KLF13: variants seen among roughly 807,000 people sequenced by gnomAD.
KLF13 encodes the protein KLF transcription factor 13.
KLF13 carries 8 observed loss-of-function variants against 16.7 expected under a neutral mutation model. The ratio of observed to expected loss-of-function variants is 0.48; its 90% CI spans 0.28 to 0.87. KLF13 has a LOEUF of 0.87. Ranked by LOEUF, KLF13 falls within the 40% of genes least tolerant of loss-of-function variation. The probability of loss-of-function intolerance (pLI) is 0.10; values close to 1 mark genes in which losing one functional copy is unlikely to be tolerated. For missense variants in KLF13, 447 were observed against 452.2 expected (o/e 0.99, Z 0.10); for synonymous variants, 245 against 208.4 (o/e 1.18, Z -1.51).
intron 1 of KLF13, among the ~76,000 whole-genome samples, chr15:31,410,044 A>G (rs867359949): frequency 1.3e-5 from 2 of 152,188 alleles, no homozygotes; most frequent in Non-Finnish European, 2.9e-5. Context: ...AAACTATAAG[A>G]TCAGTGTATC....
intron 1 of KLF13, among the ~76,000 whole-genome samples, chr15:31,418,153 T>A (rs2040278096): frequency 7.0e-6 from 1 of 142,904 alleles, no homozygotes; most frequent in Admixed American, 6.7e-5. Context: ...AATTTACACT[T>A]AATTACATAA....
rs1394106186 is a variant in KLF13 at position 31,372,170 on chromosome 15, G to A, written c.738G>A (p.Ala246=). The A allele has an allele frequency of 2.6e-5, 42 of 1,612,128 alleles. No individual in the cohort carries two copies. The highest frequency in any genetic ancestry group is 3.4e-5 in the Non-Finnish European group (40 of 1,179,782). ...FMRSDHLTKH[A]RRHANFHPGM... ...GCAGCGACCACCTGACCAAGCACGCGCGCCGCCACGCCAACTTCCACCCGG... is the reference window on the plus strand; with the variant it reads ...GCAGCGACCACCTGACCAAGCACGCACGCCGCCACGCCAACTTCCACCCGG... Residue 246 remains alanine, a synonymous_variant, in exon 2 of 2, where the codon GCG becomes GCA. Transcript: ENST00000307145.
At chr15:31,421,628 A>G (rs1385582779) in intron 1 of KLF13, among the ~76,000 whole-genome samples, 1 of 152,200 alleles carries the variant, frequency 6.6e-6, no homozygotes, top group East Asian at 1.9e-4. Context: ...CAAAGGAAAT[A>G]TCTGTAGAAG....
chr15:31,378,038 G>A (rs1166903241), downstream of KLF13: 4 of 152,084 alleles, frequency 2.6e-5, no homozygotes. Flanking sequence ...TCCTATTTTG[G>A]AAGGAAGGCT....
chr15:31,388,558 C>T (rs1471706663), upstream of KLF13, among the ~76,000 whole-genome samples: 1 of 144,892 alleles, frequency 6.9e-6, no homozygotes, highest in African/African-American at 2.6e-5. Context: ...GTGGAGGTTG[C>T]GGTGAGCCAA....
At chr15:31,405,216 A>G (rs2040107079), downstream of KLF13, among the ~76,000 whole-genome samples, 1 of 152,194 alleles carries the variant, frequency 6.6e-6, no homozygotes, top group Non-Finnish European at 1.5e-5. Flanking sequence ...CTGGAGGCTG[A>G]GGCAGGAGAA....
chr15:31,416,946 G>A (rs930379940), intron 1 of KLF13, among the ~76,000 whole-genome samples: 7 of 152,188 alleles, frequency 4.6e-5, no homozygotes, highest in Non-Finnish European at 8.8e-5. Flanking sequence ...GCCTTTAAGA[G>A]GTGATTAGGT....
At chr15:31,401,571 C>T (rs1026681537) in intron 2 of KLF13, among the ~76,000 whole-genome samples, 4 of 152,214 alleles carry the variant, frequency 2.6e-5, no homozygotes, top group African/African-American at 4.8e-5. Context: ...GGAGCAGGAA[C>T]CAGCATTGAG....
At chr15:31,341,765 C>T (rs1019661472) in intron 1 of KLF13, among the ~76,000 whole-genome samples, 1 of 152,180 alleles carries the variant, frequency 6.6e-6, no homozygotes, top group African/African-American at 2.4e-5. Flanking sequence ...CTGACCTGAG[C>T]CCCCCTTCCC....
At chr15:31,378,649 G>A, downstream of KLF13, among the ~76,000 whole-genome samples, 1 of 152,304 alleles carries the variant, frequency 6.6e-6, no homozygotes, top group East Asian at 1.9e-4. Context: ...GCCTCACCCA[G>A]GGGTAGACCA....
intron 1 of KLF13, among the ~76,000 whole-genome samples, chr15:31,357,562 TG>T (rs985000516): frequency 1.3e-5 from 2 of 152,304 alleles, no homozygotes; most frequent in Admixed American, 6.5e-5. Context: ...TGCTGCACAC[TG>T]GGAGAGAAGC....
At chr15:31,384,675 C>T (rs971815732) in intron 1 of KLF13, among the ~76,000 whole-genome samples, 1 of 152,174 alleles carries the variant, frequency 6.6e-6, no homozygotes, top group Non-Finnish European at 1.5e-5. Context: ...CATTCATGAG[C>T]GTACTTTTGG....
chr15:31,329,719 C>T (rs2038793260), intron 1 of KLF13, among the ~76,000 whole-genome samples: 1 of 152,240 alleles, frequency 6.6e-6, no homozygotes, highest in South Asian at 2.1e-4. Context: ...CGGGACCAAC[C>T]CTTTGAGTGT....
rs1486972582 is a variant in KLF13, at chr15:31,327,722, C to T, written c.510C>T (p.His170=). 5 of 1,538,420 alleles carry T rather than the reference C, an allele frequency of 3.3e-6. No individual in the cohort carries two copies. Among genetic ancestry groups the T allele is most frequent in the Non-Finnish European group, 4.4e-6 (5 of 1,138,730 alleles). Residue 170 remains histidine, a synonymous_variant, in exon 1 of 2, where the codon CAC becomes CAT. Transcript: ENST00000307145. ...CCCCGCAGAGGAAGCACAAGTGCCA[C>T]TACGCGGGCTGCGAGAAAGTTTACG... ...LESPQRKHKC[H]YAGCEKVYGK...
intron 1 of KLF13, among the ~76,000 whole-genome samples, chr15:31,333,984 C>T (rs1007352331): frequency 6.6e-6 from 1 of 152,072 alleles, no homozygotes; most frequent in African/African-American, 2.4e-5. Context: ...ATTAGCCTGT[C>T]CTACTGCAGG....
chr15:31,387,202 A>G lies in KLF13; in HGVS notation n.224-48168A>G, dbSNP rs532886892. Among the ~76,000 whole-genome samples, 172 of 152,358 alleles carry G rather than the reference A, an allele frequency of 1.1e-3. 2 individuals carry two copies. Among genetic ancestry groups the G allele is most frequent in the African/African-American group, 4.0e-3 (165 of 41,586 alleles). On this transcript the variant is annotated intron_variant and non_coding_transcript_variant, in intron 1 of 1. Coordinates refer to the KLF13 transcript ENST00000558921. ...GGGTAAAATGCTATCAGCATTGCAC[A>G]CTACAGAGAAGTCCATCACTAAAAG...
chr15:31,393,582 A>AC (rs1175321592), exon 2 of KLF13: 9 of 152,260 alleles, frequency 5.9e-5, no homozygotes, highest in African/African-American at 1.9e-4. Context: ...GCAGGGCTCA[A>AC]CCCCCGCTGT....
chr15:31,396,446 C>T lies in KLF13; in HGVS notation n.529+2755C>T, dbSNP rs549687899. On this transcript the variant is annotated intron_variant and non_coding_transcript_variant, in intron 2 of 2. Transcript: ENST00000500533. ...TGCTGGGATTACAGGCTTGAGCCAC[C>T]GCGCCCGGCCTAGGGTTTTTAAGGA... 3.9e-5 allele frequency among the ~76,000 whole-genome samples: 6 copies of T among 152,302 alleles called. No individual in the cohort carries two copies. In the South Asian group the frequency reaches 1.2e-3, roughly 32 times the overall value.
At chr15:31,338,422 C>G (rs2038967154) in intron 1 of KLF13, among the ~76,000 whole-genome samples, 1 of 152,236 alleles carries the variant, frequency 6.6e-6, no homozygotes, top group Admixed American at 6.5e-5. Flanking sequence ...AACAATCGTT[C>G]CACTGGAAGT....
Sources: gnomAD v4.1 joint callset for allele counts (sites outside exome capture counted in the v4.1 genomes callset) on GRCh38, gnomAD v4.1.1 for gene constraint, MANE v1.5 for transcripts, NCBI Gene and HGNC (gene_info 2026-07-23, HGNC 2026-07-21) for gene names.